Variants in EYA4 observed in about 807,000 individuals in gnomAD.
EYA4 encodes the protein EYA transcriptional coactivator and phosphatase 4.
A neutral mutation model predicts 87.9 loss-of-function variants in EYA4; 31 were observed. That is an observed-to-expected ratio of 0.35 (90% CI 0.27 to 0.48). EYA4 has a LOEUF of 0.48. Among genes scored for constraint, EYA4 ranks in the 20% least tolerant of loss-of-function variants. The pLI is 0.99. For synonymous variants in EYA4, 263 were observed against 270.6 expected, an observed-to-expected ratio of 0.97 and a Z score of 0.28; for missense variants, 678 against 761.4, an observed-to-expected ratio of 0.89 and a Z score of 1.29.
At chr6:133,346,685 A>T (rs1418379354) in intron 2 of EYA4, among the ~76,000 whole-genome samples, 1 of 152,010 alleles carries the variant, frequency 6.6e-6, no homozygotes, top group Non-Finnish European at 1.5e-5. Context: ...TATCACTTTC[A>T]TCTGGCAGGT....
intron 2 of EYA4, among the ~76,000 whole-genome samples, chr6:133,296,290 C>A (rs1778938908): frequency 6.6e-6 from 1 of 152,130 alleles, no homozygotes; most frequent in Non-Finnish European, 1.5e-5. Flanking sequence ...AACCTGTAGA[C>A]CTTGGTCAGG....
intron 2 of EYA4, among the ~76,000 whole-genome samples, chr6:133,342,019 T>C (rs1782820921): frequency 2.0e-5 from 3 of 152,256 alleles, no homozygotes. Context: ...GACAAGTCAT[T>C]TGAAACATGC....
chr6:133,393,904 T>C (rs1426725498), intron 3 of EYA4, among the ~76,000 whole-genome samples: 4 of 152,174 alleles, frequency 2.6e-5, no homozygotes, highest in Non-Finnish European at 5.9e-5. Flanking sequence ...TTTTCTAAAG[T>C]AGTGTTCTTA....
chr6:133,378,550 G>A (rs150291744), intron 2 of EYA4, among the ~76,000 whole-genome samples: 4 of 152,114 alleles, frequency 2.6e-5, no homozygotes, highest in African/African-American at 9.6e-5. Flanking sequence ...TGGTTAAAAT[G>A]CCTTCATAGA....
At chr6:133,327,349 C>G (rs1447773497) in intron 2 of EYA4, among the ~76,000 whole-genome samples, 1 of 151,962 alleles carries the variant, frequency 6.6e-6, no homozygotes, top group Admixed American at 6.6e-5. Flanking sequence ...CTAGGCTGGT[C>G]TCAAACTCCT....
At chr6:133,349,911 A>G (rs1298380043) in intron 2 of EYA4, among the ~76,000 whole-genome samples, 2 of 152,284 alleles carry the variant, frequency 1.3e-5, no homozygotes, top group African/African-American at 2.4e-5. Flanking sequence ...TGAGAGCTCT[A>G]GTAAAAGAAG....
intron 2 of EYA4, among the ~76,000 whole-genome samples, chr6:133,327,277 AC>A (rs889129228): frequency 6.6e-6 from 1 of 151,940 alleles, no homozygotes; most frequent in Non-Finnish European, 1.5e-5. Context: ...AGCTGAGATT[AC>A]AGGTGCCCGC....
intron 2 of EYA4, among the ~76,000 whole-genome samples, chr6:133,276,952 A>G (rs547748326): frequency 2.6e-3 from 390 of 152,068 alleles, no homozygotes; most frequent in African/African-American, 9.0e-3. Context: ...TTACATGGAA[A>G]TAATTTCTCT....
intron 1 of EYA4, among the ~76,000 whole-genome samples, chr6:133,253,199 A>C (rs1475929499): frequency 6.6e-6 from 1 of 151,870 alleles, no homozygotes; most frequent in African/African-American, 2.4e-5. Flanking sequence ...GTTCTCGGGG[A>C]GTGTTGCGGA....
At chr6:133,306,372 G>T (rs937949354) in intron 2 of EYA4, among the ~76,000 whole-genome samples, 1 of 152,114 alleles carries the variant, frequency 6.6e-6, no homozygotes, top group Admixed American at 6.6e-5. Context: ...TGAAAAACTG[G>T]GGTTCTGATA....
At chr6:133,243,379 T>G (rs1774133009) in intron 1 of EYA4, among the ~76,000 whole-genome samples, 1 of 152,192 alleles carries the variant, frequency 6.6e-6, no homozygotes, top group African/African-American at 2.4e-5. Context: ...TTTGTTCCTC[T>G]TCTCATCTGT....
At chr6:133,313,790 G>A (rs1780416627) in intron 2 of EYA4, among the ~76,000 whole-genome samples, 1 of 152,060 alleles carries the variant, frequency 6.6e-6, no homozygotes, top group African/African-American at 2.4e-5. Context: ...TTTTCTGTCA[G>A]TTTCATTCAT....
intron 1 of EYA4, chr6:133,247,719 A>T (rs139747486): frequency 2.0e-5 from 3 of 152,024 alleles, no homozygotes; most frequent in Admixed American, 2.0e-4. Flanking sequence ...GAAACTGATG[A>T]TATGCCCAGT....
rs756139259 is a variant in EYA4 at position 133,512,960 on chromosome 6, G to T, written c.1423G>T (p.Val475Phe). The change falls in exon 16 of 20, where the codon GTT becomes TTT. Residue 475 changes from valine to phenylalanine, a missense_variant. Transcript: ENST00000355286. ...TTTGCCAACAGGTGTAAGAGGAGGGGTTGACTGGATGAGGAAGTTGGCTTT... is the reference window on the plus strand; with the variant it reads ...TTTGCCAACAGGTGTAAGAGGAGGGTTTGACTGGATGAGGAAGTTGGCTTT... The part of the protein sequence containing the change: ...LCLPTGVRGG[V>F]DWMRKLAFRY... The T allele has an allele frequency of 4.3e-6, 7 of 1,613,980 alleles. No homozygotes were observed. The highest frequency in any genetic ancestry group is 5.1e-6 in the Non-Finnish European group (6 of 1,179,986).
intron 13 of EYA4, among the ~76,000 whole-genome samples, chr6:133,497,595 A>G (rs2128742715): frequency 6.6e-6 from 1 of 152,302 alleles, no homozygotes; most frequent in Non-Finnish European, 1.5e-5. Context: ...ACTCTAAAAT[A>G]GGAGCTTGTA....
At chr6:133,348,119 A>G (rs1783337155) in intron 2 of EYA4, among the ~76,000 whole-genome samples, 3 of 152,104 alleles carry the variant, frequency 2.0e-5, no homozygotes, top group Non-Finnish European at 4.4e-5. Context: ...TTGGGTGATG[A>G]TTAAGTATCA....
chr6:133,469,850 C>CA (rs1395782047), intron 11 of EYA4, among the ~76,000 whole-genome samples: 1 of 151,810 alleles, frequency 6.6e-6, no homozygotes, highest in Non-Finnish European at 1.5e-5. Flanking sequence ...AATTAGATTT[C>CA]AAAAAATTGT....
intron 1 of EYA4, among the ~76,000 whole-genome samples, chr6:133,269,081 A>G (rs1776469423): frequency 6.6e-6 from 1 of 152,166 alleles, no homozygotes; most frequent in Non-Finnish European, 1.5e-5. Context: ...CAACATGGTG[A>G]GACCCTGTCT....
chr6:133,252,071 A>G (rs1774952641), intron 1 of EYA4, among the ~76,000 whole-genome samples: 1 of 152,228 alleles, frequency 6.6e-6, no homozygotes, highest in South Asian at 2.1e-4. Flanking sequence ...GAGAGAGAGT[A>G]TGTAGGAAGT....
Sources: allele counts gnomAD v4.1 joint callset (sites outside exome capture counted in the v4.1 genomes callset), GRCh38; gene constraint gnomAD v4.1.1; transcripts MANE v1.5; gene names NCBI Gene and HGNC (gene_info 2026-07-23, HGNC 2026-07-21).